FHIP1A: variants seen among roughly 807,000 people sequenced by gnomAD.
FHIP1A encodes the protein FHF complex subunit HOOK interacting protein 1A.
A neutral mutation model predicts 88.6 loss-of-function variants in FHIP1A; 61 were observed. The ratio of observed to expected loss-of-function variants is 0.69; its 90% CI spans 0.56 to 0.85. The LOEUF (loss-of-function observed/expected upper bound fraction) is 0.85. Among genes scored for constraint, FHIP1A ranks in the 40% least tolerant of loss-of-function variants. The probability of loss-of-function intolerance (pLI) is 0.00; values close to 1 mark genes in which losing one functional copy is unlikely to be tolerated. For missense variants in FHIP1A, 1,154 were observed against 1,273.5 expected, an observed-to-expected ratio of 0.91 and a Z score of 1.43; for synonymous variants, 478 against 496.0, an observed-to-expected ratio of 0.96 and a Z score of 0.48.
rs535217765 is a variant in FHIP1A, at chr4:151,509,691, CCTT to C, written c.-123+27044_-123+27046del. Among the ~76,000 whole-genome samples the C allele has an allele frequency of 2.7e-3, 415 of 152,114 alleles. 3 individuals carry two copies. Among genetic ancestry groups the C allele is most frequent in the Non-Finnish European group, 4.5e-3 (304 of 68,014 alleles). On this transcript the variant is annotated intron_variant, in intron 3 of 13. Coordinates refer to ENST00000435205, the MANE Select transcript of FHIP1A (RefSeq NM_001109977.3). ...CAGGTAGACTGCACCTCAGACGCCT[CCTT>C]TGTTCATTCCACATTCCTTTCCCGT...
chr4:151,510,776 A>G (rs909217479), intron 3 of FHIP1A, among the ~76,000 whole-genome samples: 3 of 152,206 alleles, frequency 2.0e-5, no homozygotes, highest in Non-Finnish European at 4.4e-5. Context: ...GTTTCTAGTG[A>G]TCAAATTTCA....
chr4:151,520,664 A>G (rs1731415300), intron 3 of FHIP1A, among the ~76,000 whole-genome samples: 1 of 152,154 alleles, frequency 6.6e-6, no homozygotes, highest in Non-Finnish European at 1.5e-5. Context: ...AATATATTCT[A>G]ATTTTTAGTT....
chr4:151,603,565 C>G (rs910542319), intron 7 of FHIP1A, among the ~76,000 whole-genome samples: 2 of 152,154 alleles, frequency 1.3e-5, no homozygotes, highest in Admixed American at 6.5e-5. Flanking sequence ...GCCTAAAAAG[C>G]TCTGGGGCTG....
At chr4:151,575,696 T>G (rs2126787328) in intron 4 of FHIP1A, among the ~76,000 whole-genome samples, 1 of 152,336 alleles carries the variant, frequency 6.6e-6, no homozygotes, top group Admixed American at 6.5e-5. Context: ...ATAGAGATTA[T>G]ACTTTCTGTG....
At chr4:151,633,268 A>G (rs763882301) in intron 8 of FHIP1A, among the ~76,000 whole-genome samples, 45 of 151,896 alleles carry the variant, frequency 3.0e-4, no homozygotes, top group Admixed American at 1.1e-3. Flanking sequence ...AGAAATAAAA[A>G]AAAATCTGAA....
intron 2 of FHIP1A, among the ~76,000 whole-genome samples, chr4:151,456,918 G>GA (rs1728986535): frequency 6.6e-6 from 1 of 151,580 alleles, no homozygotes; most frequent in Admixed American, 6.6e-5. Context: ...TGTATAGCTT[G>GA]AAAAAAACCT....
chr4:151,437,164 A>G (rs1223756814), intron 1 of FHIP1A, among the ~76,000 whole-genome samples: 3 of 152,066 alleles, frequency 2.0e-5, no homozygotes, highest in Admixed American at 1.3e-4. Context: ...ATTGGCCTGC[A>G]TATGTTTTGC....
chr4:151,642,339 A>C (rs1184319879), intron 9 of FHIP1A, among the ~76,000 whole-genome samples: 2 of 152,186 alleles, frequency 1.3e-5, no homozygotes, highest in Non-Finnish European at 2.9e-5. Flanking sequence ...TGTCAGGTTT[A>C]TGAACTGTCT....
At chr4:151,603,414 C>T (rs1043022095) in intron 7 of FHIP1A, among the ~76,000 whole-genome samples, 10 of 152,086 alleles carry the variant, frequency 6.6e-5, no homozygotes, top group Admixed American at 4.6e-4. Context: ...TTTGATGCCA[C>T]ACTCTGAACT....
rs574052840 is a variant in FHIP1A, at chr4:151,482,942, T to C, written c.-123+294T>C. ...ATACTTAGGAAATAGTCTAAACTCA[T>C]TTAGAACTTGGGTGATGATCATACC... On this transcript the variant is annotated intron_variant, in intron 3 of 13. Transcript: ENST00000435205. 2.6e-5 allele frequency among the ~76,000 whole-genome samples: 4 copies of C among 152,238 alleles called. No homozygotes were observed. In the East Asian group the frequency reaches 5.8e-4, roughly 22 times the overall value.
chr4:151,501,872 A>G (rs1730661386), intron 3 of FHIP1A, among the ~76,000 whole-genome samples: 1 of 151,448 alleles, frequency 6.6e-6, no homozygotes, highest in Admixed American at 6.6e-5. Context: ...AACAAAAACT[A>G]CAAATCCTAC....
At chr4:151,645,368 CCT>C (rs1324187880) in intron 9 of FHIP1A, among the ~76,000 whole-genome samples, 1 of 152,056 alleles carries the variant, frequency 6.6e-6, no homozygotes, top group African/African-American at 2.4e-5. Context: ...ATCTTTCTTT[CCT>C]CTCTGACTCT....
At chr4:151,544,200 C>T (rs1003387571) in intron 3 of FHIP1A, among the ~76,000 whole-genome samples, 2 of 152,208 alleles carry the variant, frequency 1.3e-5, no homozygotes, top group African/African-American at 4.8e-5. Context: ...AAGTGAGACA[C>T]AGAGTAGTGA....
chr4:151,554,420 A>G (rs545791340), intron 3 of FHIP1A, among the ~76,000 whole-genome samples: 2 of 152,302 alleles, frequency 1.3e-5, no homozygotes, highest in Non-Finnish European at 2.9e-5. Flanking sequence ...TGTGATCCCT[A>G]CCTTCAAGGA....
intron 7 of FHIP1A, among the ~76,000 whole-genome samples, chr4:151,591,809 G>A (rs796654625): frequency 9.9e-5 from 15 of 152,202 alleles, no homozygotes; most frequent in African/African-American, 3.4e-4. Flanking sequence ...ATATTCCATG[G>A]TGTATTCCAT....
At chr4:151,596,930 T>C (rs756486139) in intron 7 of FHIP1A, among the ~76,000 whole-genome samples, 1 of 152,284 alleles carries the variant, frequency 6.6e-6, no homozygotes, top group East Asian at 1.9e-4. Context: ...TCCTCTACGC[T>C]TTTTTCAAGG....
At chr4:151,545,900 T>C (rs1732484156) in intron 3 of FHIP1A, among the ~76,000 whole-genome samples, 1 of 152,216 alleles carries the variant, frequency 6.6e-6, no homozygotes, top group South Asian at 2.1e-4. Flanking sequence ...GATGAGAAAC[T>C]TTATTCATTC....
At position 151,577,996 on chromosome 4, in the gene FHIP1A, G is replaced by T. The variant is rs1170512409; in HGVS notation, c.652G>T (p.Ala218Ser). 2 of 1,550,830 alleles carry T rather than the reference G, an allele frequency of 1.3e-6. No homozygotes were observed. Among genetic ancestry groups the T allele is most frequent in the East Asian group, 4.9e-5 (2 of 40,894 alleles). ...EGSVGQQARD[A>S]LLFIMSLSAE... Reference sequence around the variant, plus strand: ...GTCAGTAGGCCAGCAAGCTCGGGATGCATTGCTCTTCATCATGTCTCTTTC... The same window carrying T: ...GTCAGTAGGCCAGCAAGCTCGGGATTCATTGCTCTTCATCATGTCTCTTTC... Residue 218 changes from alanine to serine, a missense_variant, in exon 5 of 14, where the codon GCA becomes TCA. Transcript: ENST00000435205.
chr4:151,631,005 T>C (rs1252024068), intron 8 of FHIP1A, among the ~76,000 whole-genome samples: 2 of 152,062 alleles, frequency 1.3e-5, no homozygotes, highest in East Asian at 3.8e-4. Flanking sequence ...AGTGAAAGCA[T>C]TGTTTAAAGG....
Sources: allele counts gnomAD v4.1 joint callset (sites outside exome capture counted in the v4.1 genomes callset), GRCh38; gene constraint gnomAD v4.1.1; transcripts MANE v1.5; gene names NCBI Gene and HGNC (gene_info 2026-07-23, HGNC 2026-07-21).